Variants in PRDM11 observed in about 807,000 individuals in gnomAD.
PRDM11 encodes the protein PR domain-containing protein 11.
In PRDM11, 20 loss-of-function variants were observed where a neutral mutation model predicts 97.8. The observed-to-expected ratio is 0.20, with a 90% CI of 0.14 to 0.30. The LOEUF (loss-of-function observed/expected upper bound fraction) is 0.30, where lower values mean the gene tolerates loss of function less well. Among genes scored for constraint, PRDM11 ranks in the 10% least tolerant of loss-of-function variants. PRDM11 has a pLI of 1.00. For missense variants in PRDM11, 1,139 were observed against 1,555.2 expected (o/e 0.73, Z 4.50); for synonymous variants, 599 against 637.7 (o/e 0.94, Z 0.91).
intron 4 of PRDM11, among the ~76,000 whole-genome samples, chr11:45,190,498 G>C (rs966094570): frequency 6.7e-6 from 1 of 148,326 alleles, no homozygotes; most frequent in Non-Finnish European, 1.5e-5. Context: ...TAGTTACAGA[G>C]ACATCATGAC....
At chr11:45,108,257 C>T (rs1003241247) in intron 1 of PRDM11, among the ~76,000 whole-genome samples, 34 of 152,168 alleles carry the variant, frequency 2.2e-4, no homozygotes, top group African/African-American at 8.0e-4. Context: ...GTCTAATTCC[C>T]CATGAGTGTG....
chr11:45,128,860 T>C (rs1003938095), intron 1 of PRDM11, among the ~76,000 whole-genome samples: 1 of 152,038 alleles, frequency 6.6e-6, no homozygotes, highest in Non-Finnish European at 1.5e-5. Context: ...TTATATTTTA[T>C]AAGAAAGGAA....
intron 1 of PRDM11, among the ~76,000 whole-genome samples, chr11:45,159,201 T>C (rs1002262348): frequency 1.4e-4 from 22 of 152,236 alleles, no homozygotes; most frequent in African/African-American, 5.1e-4. Context: ...TCTGCCCTTT[T>C]AGACTCACTC....
intron 4 of PRDM11, among the ~76,000 whole-genome samples, chr11:45,191,696 G>T (rs542401903): frequency 2.0e-5 from 3 of 151,994 alleles, no homozygotes; most frequent in Non-Finnish European, 4.4e-5. Context: ...ACTGTCTCTC[G>T]TAGGAGCTGT....
At chr11:45,128,116 A>T (rs1386640124) in intron 1 of PRDM11, among the ~76,000 whole-genome samples, 1 of 152,198 alleles carries the variant, frequency 6.6e-6, no homozygotes, top group Non-Finnish European at 1.5e-5. Context: ...GCTAGCAATC[A>T]GTGAGACTCT....
chr11:45,137,442 A>G (rs973849124), intron 1 of PRDM11, among the ~76,000 whole-genome samples: 1 of 151,884 alleles, frequency 6.6e-6, no homozygotes, highest in Admixed American at 6.6e-5. Flanking sequence ...AAAAAAAAAG[A>G]AAAAAGAAAA....
At chr11:45,143,734 G>A (rs1363825397), upstream of PRDM11, among the ~76,000 whole-genome samples, 1 of 152,120 alleles carries the variant, frequency 6.6e-6, no homozygotes, top group African/African-American at 2.4e-5. Flanking sequence ...TTCTCTGCCT[G>A]CAAAAAATAG....
chr11:45,199,716 G>A (rs1348719310), intron 4 of PRDM11, among the ~76,000 whole-genome samples: 1 of 152,118 alleles, frequency 6.6e-6, no homozygotes, highest in Admixed American at 6.5e-5. Context: ...GTCATTCCTG[G>A]ACCCATGTCA....
intron 5 of PRDM11, among the ~76,000 whole-genome samples, chr11:45,211,524 G>C (rs1350840399): frequency 1.9e-5 from 1 of 53,536 alleles, no homozygotes; most frequent in Non-Finnish European, 6.4e-5. Flanking sequence ...CAGTCTGTCC[G>C]ATGGCCCCTG....
chr11:45,108,267 G>T (rs977340552), intron 1 of PRDM11, among the ~76,000 whole-genome samples: 2 of 152,158 alleles, frequency 1.3e-5, no homozygotes, highest in Non-Finnish European at 2.9e-5. Context: ...CCATGAGTGT[G>T]ACCCGCTGCC....
chr11:45,195,568 C>CT (rs199927421), intron 4 of PRDM11, among the ~76,000 whole-genome samples: 1,991 of 146,556 alleles, frequency 0.014, 36 homozygotes, highest in African/African-American at 0.043. Flanking sequence ...TACTTTCTTT[C>CT]TTTTTTTTTT....
chr11:45,101,454 G>A (rs1851974115), intron 1 of PRDM11, among the ~76,000 whole-genome samples: 1 of 151,872 alleles, frequency 6.6e-6, no homozygotes, highest in South Asian at 2.1e-4. Context: ...CACTCAGGAG[G>A]CTGAGGCAGG....
rs900659541 is a variant in PRDM11, at chr11:45,230,216, G to T, written c.*2057G>T. 6.6e-6 allele frequency: 1 copy of T among 151,684 alleles called. No homozygotes were observed. Among genetic ancestry groups the T allele is most frequent in the East Asian group, 1.9e-4 (1 of 5,182 alleles). 9.4% of individuals were successfully genotyped at this position (151,684 alleles called of 1,614,324 possible). ...AAAAAACAAAAAACAAAAAAAAATG[G>T]GTTCCTCCAACTGTCCCACTGCCAG... On this transcript the variant is annotated 3_prime_UTR_variant, in exon 8 of 8. Coordinates refer to ENST00000683152, the MANE Select transcript of PRDM11 (RefSeq NM_001384648.1).
chr11:45,192,170 G>T (rs1852939204), intron 4 of PRDM11, among the ~76,000 whole-genome samples: 1 of 152,134 alleles, frequency 6.6e-6, no homozygotes, highest in South Asian at 2.1e-4. Flanking sequence ...ATTTACAAAG[G>T]CCCTGGGGCA....
At position 45,229,479 on chromosome 11, in the gene PRDM11, CACA is replaced by C. The variant is rs1223067870; in HGVS notation, c.*1321_*1323del. The C allele has an allele frequency of 2.1e-5, 3 of 143,412 alleles. No homozygotes were observed. Among genetic ancestry groups the C allele is most frequent in the African/African-American group, 8.2e-5 (3 of 36,528 alleles). The allele number at this position is 143,412 out of a possible 1,614,324, so 8.9% of individuals were successfully genotyped here. ...CAGCCTACACAGACACACACACACA[CACA>C]GACACACACACACACACAGACACAC... On this transcript the variant is annotated 3_prime_UTR_variant, in exon 8 of 8. Transcript: ENST00000683152.
Position 45,227,593 on chromosome 11 carries a change from G to A in PRDM11, c.2968G>A (p.Asp990Asn). The A allele has an allele frequency of 6.5e-7, 1 of 1,533,922 alleles. No individual in the cohort carries two copies. Among genetic ancestry groups the A allele is most frequent in the Non-Finnish European group, 8.7e-7 (1 of 1,146,738 alleles). ...CTTTGTGAAGGCCTGCCAGGTGTTT[G>A]ACCTGGCTGCCTGGCCCAGGAGCAG... ...RIFVKACQVF[D>N]LAAWPRSSEE... The change falls in exon 8 of 8, where the codon GAC (aspartate) becomes AAC (asparagine). Residue 990 changes from aspartate to asparagine, a missense_variant. Transcript: ENST00000683152. The surrounding 1 kb of genome is among the most constrained non-coding windows in gnomAD (Gnocchi z 8.0).
At position 45,183,031 on chromosome 11, in the gene PRDM11, G is replaced by A. The variant is rs1852572151; in HGVS notation, c.394G>A (p.Val132Ile). 5.0e-6 allele frequency: 8 copies of A among 1,614,162 alleles called. No individual in the cohort carries two copies. Among genetic ancestry groups the A allele is most frequent in the Non-Finnish European group, 6.8e-6 (8 of 1,180,020 alleles). ...DTSGESDVRC[V>I]NEVIPKGHIF... ...TAGTGGAGAGAGTGACGTGCGATGT[G>A]TAAACGAGGTCATCCCCAAGGGCCA... The change falls in exon 4 of 8, where the codon GTA becomes ATA. Residue 132 changes from valine to isoleucine, a missense_variant. Around this residue, in one of 2 missense-constraint regions of PRDM11, gnomAD observed 429 missense variants for 510.3 expected, o/e 0.84. Coordinates refer to ENST00000683152, the MANE Select transcript of PRDM11 (RefSeq NM_001384648.1).
At chr11:45,124,157 G>A (rs1168563091) in intron 1 of PRDM11, among the ~76,000 whole-genome samples, 1 of 150,152 alleles carries the variant, frequency 6.7e-6, no homozygotes, top group Admixed American at 6.6e-5. Flanking sequence ...GTCTGTTATT[G>A]GTGTATAAGA....
At chr11:45,220,433 CA>C (rs1466852197) in intron 6 of PRDM11, among the ~76,000 whole-genome samples, 5 of 152,200 alleles carry the variant, frequency 3.3e-5, no homozygotes, top group African/African-American at 1.2e-4. Flanking sequence ...CCACCTCCAT[CA>C]TCAGAAGTCC....
Sources: gnomAD v4.1 joint callset for allele counts (sites outside exome capture counted in the v4.1 genomes callset) on GRCh38, gnomAD v4.1.1 for gene constraint, gnomAD v4.1.1 regional missense constraint, Gnocchi (gnomAD v3.1) non-coding constraint, MANE v1.5 for transcripts, NCBI Gene and HGNC (gene_info 2026-07-23, HGNC 2026-07-21) for gene names.